HNF1A: variants seen among roughly 807,000 people sequenced by gnomAD.
The protein encoded by HNF1A is hepatocyte nuclear factor 1-alpha.
HNF1A carries 21 observed loss-of-function variants against 62.2 expected under a neutral mutation model. The observed-to-expected ratio is 0.34, with a 90% CI of 0.24 to 0.49. The LOEUF is 0.49. Among genes scored for constraint, HNF1A ranks in the 20% least tolerant of loss-of-function variants. The pLI is 0.99. For synonymous variants in HNF1A, 374 were observed against 366.8 expected, an observed-to-expected ratio of 1.02 and a Z score of -0.22; for missense variants, 687 against 832.3, an observed-to-expected ratio of 0.83 and a Z score of 2.15.
At chr12:120,987,612 A>ACT (rs1876583203) in intron 1 of HNF1A, among the ~76,000 whole-genome samples, 2 of 149,092 alleles carry the variant, frequency 1.3e-5, no homozygotes, top group South Asian at 4.4e-4. Flanking sequence ...ATATATACAC[A>ACT]TATATATATA....
chr12:120,994,925 C>T (rs1676057960), intron 4 of HNF1A, among the ~76,000 whole-genome samples: 1 of 149,702 alleles, frequency 6.7e-6, no homozygotes, highest in Admixed American at 6.6e-5. Flanking sequence ...CATTCAACTC[C>T]ACTCCATCCA....
chr12:120,992,098 A>G (rs34565150), intron 2 of HNF1A, among the ~76,000 whole-genome samples: 21,082 of 152,226 alleles, frequency 0.14, 1,809 homozygotes, highest in Non-Finnish European at 0.19. Context: ...CAGAACCCCA[A>G]CTCAAATGGA....
At position 120,996,936 on chromosome 12, in the gene HNF1A, C is replaced by G. The variant is rs1877137594; in HGVS notation, c.1309+194C>G. On this transcript the variant is annotated intron_variant, in intron 6 of 9. Coordinates refer to ENST00000257555, the MANE Select transcript of HNF1A (RefSeq NM_000545.8). The surrounding 1 kb of genome is among the most constrained non-coding windows in gnomAD (Gnocchi z 4.5). ...ACCAAACAGACCAAAATCTCAGCAA[C>G]TCAAGCAGGGAGGCAGGCACTAAGC... 2 of 1,499,786 alleles carry G rather than the reference C, an allele frequency of 1.3e-6. No homozygotes were observed. Among genetic ancestry groups the G allele is most frequent in the African/African-American group, 1.4e-5 (1 of 72,134 alleles). 92.9% of individuals were successfully genotyped at this position (1,499,786 alleles called of 1,614,324 possible).
Position 120,978,776 on chromosome 12 carries a change from C to T in HNF1A, c.8C>T (p.Ser3Phe), listed in dbSNP as rs1387926363. The T allele has an allele frequency of 6.2e-7, 1 of 1,612,904 alleles. No individual in the cohort carries two copies. Among genetic ancestry groups the T allele is most frequent in the Admixed American group, 1.7e-5 (1 of 60,024 alleles). The change falls in exon 1 of 10, where the codon TCT (serine) becomes TTT (phenylalanine). Residue 3 changes from serine to phenylalanine, a missense_variant. Ser to Phe is a radical substitution (Grantham distance 155, BLOSUM62 -2). Around this residue, in one of 5 missense-constraint regions of HNF1A, gnomAD observed 159 missense variants for 154.4 expected, o/e 1.03. Coordinates refer to ENST00000257555, the MANE Select transcript of HNF1A (RefSeq NM_000545.8). Reference protein sequence around the residue: MVSKLSQLQTELL... With the variant: MVFKLSQLQTELL... ...CCCTGTGGCAGCCGAGCCATGGTTT[C>T]TAAACTGAGCCAGCTGCAGACGGAG... is the stretch of plus-strand genomic sequence containing the variant.
intron 4 of HNF1A, among the ~76,000 whole-genome samples, chr12:120,995,880 C>T (rs1038415829): frequency 1.3e-5 from 2 of 152,232 alleles, no homozygotes; most frequent in Non-Finnish European, 2.9e-5. Context: ...TATCATTCCA[C>T]TCAACTCAAC....
intron 2 of HNF1A, among the ~76,000 whole-genome samples, chr12:120,990,829 C>T (rs1372849074): frequency 6.6e-6 from 1 of 151,982 alleles, no homozygotes; most frequent in East Asian, 1.9e-4. Flanking sequence ...ACTGGAATTC[C>T]CAGACTCTTG....
At position 121,001,266 on chromosome 12, in the gene HNF1A, AG is replaced by A. The variant is rs547688126; in HGVS notation, c.*76del. The A allele has an allele frequency of 9.7e-5, 153 of 1,575,666 alleles. No individual in the cohort carries two copies. The highest frequency in any genetic ancestry group is 1.3e-4 in the Non-Finnish European group (148 of 1,156,060). ...GAGGGCAGCAGCCAGCCCTGCCTGG[AG>A]GACCTGAGCCTGCCGAGCAACCGTG... On this transcript the variant is annotated 3_prime_UTR_variant, in exon 10 of 10. Transcript: ENST00000257555.
chr12:120,994,552 GTTCA>G (rs1876994525), intron 4 of HNF1A, 147 bp downstream of exon 4: 3 of 901,614 alleles, frequency 3.3e-6, no homozygotes, highest in Admixed American at 2.7e-5. Context: ...ACTTCACTCT[GTTCA>G]TTCATCCATT....
At chr12:121,001,043 G>A (rs1418004162) in intron 9 of HNF1A, 22 bp from the exon 10 acceptor site, 2 of 1,612,132 alleles carry the variant, frequency 1.2e-6, no homozygotes. Flanking sequence ...TGGGTGGCTA[G>A]CAGCCTTGTT....
At chr12:120,999,967 A>G (rs1173456535) in intron 9 of HNF1A, among the ~76,000 whole-genome samples, 3 of 152,256 alleles carry the variant, frequency 2.0e-5, no homozygotes, top group Non-Finnish European at 4.4e-5. Context: ...GGCTTGGCTC[A>G]GGGTTGAACA....
intron 7 of HNF1A, chr12:120,998,001 C>T: frequency 1.7e-6 from 1 of 586,390 alleles, no homozygotes; most frequent in South Asian, 1.9e-5. Flanking sequence ...AATCTGGGGC[C>T]AGGCGTGGTG....
intron 2 of HNF1A, among the ~76,000 whole-genome samples, chr12:120,991,014 A>C (rs560970356): frequency 2.4e-4 from 36 of 152,318 alleles, no homozygotes; most frequent in African/African-American, 8.2e-4. Context: ...GATGGATCTC[A>C]TTCTTTATAA....
At chr12:120,994,936 C>T (rs948739170) in intron 4 of HNF1A, among the ~76,000 whole-genome samples, 4 of 151,020 alleles carry the variant, frequency 2.6e-5, no homozygotes, top group African/African-American at 4.9e-5. Flanking sequence ...ACTCCATCCA[C>T]TCCACTCCAT....
chr12:120,996,262 G>A lies in HNF1A; in HGVS notation c.956G>A (p.Gly319Asp). ...GGCAGGACACTGCTTCCCTCTCCAG[G>A]TGTGCGCTATGGACAGCCTGCGACC... The part of the protein sequence containing the change: ...PPALSPSKVH[G>D]VRYGQPATSE... Residue 319 changes from glycine to aspartate, a missense_variant and splice_region_variant, in exon 5 of 10, where the codon GGT becomes GAT. Gly to Asp is a moderately conservative substitution (Grantham distance 94). Coordinates refer to ENST00000257555, the MANE Select transcript of HNF1A (RefSeq NM_000545.8). The surrounding 1 kb of genome is among the most constrained non-coding windows in gnomAD (Gnocchi z 4.5). The A allele has an allele frequency of 6.2e-7, 1 of 1,614,042 alleles. No homozygotes were observed.
rs1284782598 is a variant in HNF1A at position 120,996,876 on chromosome 12, C to T, written c.1309+134C>T. On this transcript the variant is annotated intron_variant, in intron 6 of 9. Coordinates refer to ENST00000257555, the MANE Select transcript of HNF1A (RefSeq NM_000545.8). This position sits in a 1 kb window ranked among gnomAD's most constrained non-coding sequence, Gnocchi z 4.5. Reference sequence around the variant, plus strand: ...GTATTTATCCAGTGCCTACTCTGGACCAGTCACTGTGCTACATCAGTGATA... The same window carrying T: ...GTATTTATCCAGTGCCTACTCTGGATCAGTCACTGTGCTACATCAGTGATA... 2 of 1,524,464 alleles carry T rather than the reference C, an allele frequency of 1.3e-6. No individual in the cohort carries two copies. The highest frequency in any genetic ancestry group is 1.8e-6 in the Non-Finnish European group (2 of 1,124,040). 94.4% of individuals were successfully genotyped at this position (1,524,464 alleles called of 1,614,324 possible). A position where few individuals can be genotyped will look rare whatever the true frequency, so the allele number is the denominator to read the frequency against.
chr12:120,994,330 G>A lies in HNF1A; in HGVS notation c.880G>A (p.Gly294Ser). 1 of 1,608,454 alleles carries A rather than the reference G, an allele frequency of 6.2e-7. No homozygotes were observed. Among genetic ancestry groups the A allele is most frequent in the South Asian group, 1.1e-5 (1 of 90,220 alleles). The change falls in exon 4 of 10, where the codon GGC (glycine) becomes AGC (serine). Residue 294 changes from glycine to serine, a missense_variant. Around this residue, in one of 5 missense-constraint regions of HNF1A, gnomAD observed 408 missense variants for 455.3 expected, o/e 0.90. Transcript: ENST00000257555. Reference sequence around the variant, plus strand: ...GTACAGCGGGCCCCCCCCAGGGCCAGGCCCGGGACCTGCGCTGCCCGCTCA... The same window carrying A: ...GTACAGCGGGCCCCCCCCAGGGCCAAGCCCGGGACCTGCGCTGCCCGCTCA... ...DTYSGPPPGP[G>S]PGPALPAHSS...
intron 1 of HNF1A, among the ~76,000 whole-genome samples, chr12:120,988,392 T>TCATCCATCCATCCACCCATTCGCC (rs1356263888): frequency 3.4e-5 from 5 of 148,500 alleles, no homozygotes; most frequent in East Asian, 2.0e-4. Context: ...ATCCACCAAT[T>TCATCCATCCATCCACCCATTCGCC]CATCCATCCA....
At chr12:120,990,662 GAGGAAAGGTAGGAAAGGGAGGAAGGA>G (rs1565884545) in intron 2 of HNF1A, among the ~76,000 whole-genome samples, 7 of 147,132 alleles carry the variant, frequency 4.8e-5, no homozygotes, top group African/African-American at 1.6e-4. Flanking sequence ...GTAGGAAAGG[GAGGAAAGGTAGGAAAGGGAGGAAGGA>G]AGGAAGGAAG....
At chr12:120,998,333 C>CA (rs1250275099) in intron 7 of HNF1A, 3 of 160,238 alleles carry the variant, frequency 1.9e-5, no homozygotes, top group African/African-American at 7.2e-5. Context: ...CCAGCTATCA[C>CA]ATAACACTCC....
Sources: allele counts gnomAD v4.1 joint callset (sites outside exome capture counted in the v4.1 genomes callset), GRCh38; gene constraint gnomAD v4.1.1; regional missense constraint gnomAD v4.1.1; non-coding constraint Gnocchi (gnomAD v3.1); transcripts MANE v1.5; gene names NCBI Gene and HGNC (gene_info 2026-07-23, HGNC 2026-07-21).